PPP3CB: variants seen among roughly 807,000 people sequenced by gnomAD.
The protein encoded by PPP3CB is serine/threonine-protein phosphatase 2B catalytic subunit beta isoform.
In PPP3CB, 8 loss-of-function variants were observed where a neutral mutation model predicts 66.4. That is an observed-to-expected ratio of 0.12 (90% confidence interval 0.07 to 0.22). The LOEUF (loss-of-function observed/expected upper bound fraction) is 0.22, where lower values mean the gene tolerates loss of function less well. Among genes scored for constraint, PPP3CB ranks in the 10% least tolerant of loss-of-function variants. The pLI is 1.00. For missense variants in PPP3CB, 319 were observed against 642.5 expected, an observed-to-expected ratio of 0.50 and a Z score of 5.44; for synonymous variants, 208 against 221.2, an observed-to-expected ratio of 0.94 and a Z score of 0.53.
chr10:73,449,501 T>C (rs547039486), intron 10 of PPP3CB, among the ~76,000 whole-genome samples: 1 of 152,310 alleles, frequency 6.6e-6, no homozygotes, highest in South Asian at 2.1e-4. Flanking sequence ...TATTCCTTTA[T>C]AGGAAATGTA....
At chr10:73,474,533 A>G (rs1416231870) in intron 4 of PPP3CB, among the ~76,000 whole-genome samples, 2 of 152,034 alleles carry the variant, frequency 1.3e-5, no homozygotes, top group African/African-American at 4.8e-5. Context: ...CCCAGGCTCA[A>G]GCGATCCTCC....
At chr10:73,439,097 A>C (rs141991156) in intron 13 of PPP3CB, among the ~76,000 whole-genome samples, 28 of 152,348 alleles carry the variant, frequency 1.8e-4, no homozygotes, top group African/African-American at 6.5e-4. Context: ...TGGAAACTCA[A>C]ATCAAAATAA....
intron 1 of PPP3CB, 21 bp from the exon 2 acceptor site, chr10:73,479,538 T>C (rs762229296): frequency 6.2e-7 from 1 of 1,602,794 alleles, no homozygotes; most frequent in Non-Finnish European, 8.5e-7. Context: ...TTTTAATTAA[T>C]AAAAGATAAG....
chr10:73,475,044 T>C lies in PPP3CB; in HGVS notation c.412-14A>G. ...ATATAAGACACACTGCAAAAGAAAA[T>C]TTTTCTAGTGAATTTATCTTGTACT... On this transcript the variant is annotated splice_polypyrimidine_tract_variant and intron_variant, in intron 3 of 13. Coordinates refer to ENST00000360663, the MANE Select transcript of PPP3CB (RefSeq NM_021132.4). 1 of 1,606,094 alleles carries C rather than the reference T, an allele frequency of 6.2e-7. No individual in the cohort carries two copies. Among genetic ancestry groups the C allele is most frequent in the Non-Finnish European group, 8.5e-7 (1 of 1,177,406 alleles).
At chr10:73,454,268 C>A in intron 10 of PPP3CB, 144 bp downstream of exon 10, 6 of 434,174 alleles carry the variant, frequency 1.4e-5, no homozygotes, top group South Asian at 1.5e-4. Context: ...TCTTAATATC[C>A]AAAAAAAGTA....
rs2056689104 is a variant in PPP3CB, at chr10:73,470,677, AAT to A, written c.982+8_982+9del. 2 of 1,469,818 alleles carry A rather than the reference AAT, an allele frequency of 1.4e-6. No homozygotes were observed. The allele number at this position is 1,469,818 out of a possible 1,614,324, so 91.0% of individuals were successfully genotyped here. ...TTGTTTAACAATTTTTTTTATCAAC[AAT>A]ATCTTACCTTTATTATTGTAGACAT... On this transcript the variant is annotated splice_region_variant and intron_variant, in intron 8 of 13. Coordinates refer to ENST00000360663, the MANE Select transcript of PPP3CB (RefSeq NM_021132.4).
intron 1 of PPP3CB, among the ~76,000 whole-genome samples, chr10:73,493,683 A>T (rs752902774): frequency 6.6e-6 from 1 of 152,258 alleles, no homozygotes; most frequent in Non-Finnish European, 1.5e-5. Context: ...AACAAATTCC[A>T]TAAAGAAATG....
At chr10:73,463,926 C>G (rs1217021773) in intron 9 of PPP3CB, among the ~76,000 whole-genome samples, 1 of 151,404 alleles carries the variant, frequency 6.6e-6, no homozygotes, top group South Asian at 2.1e-4. Flanking sequence ...TAAGCCACTG[C>G]GCCCGGCCTC....
chr10:73,460,188 G>A (rs1389111024), intron 9 of PPP3CB, among the ~76,000 whole-genome samples: 1 of 142,872 alleles, frequency 7.0e-6, no homozygotes, highest in Non-Finnish European at 1.5e-5. Context: ...CCATTTAACG[G>A]ATATTAAATC....
In PPP3CB at chr10:73,446,260, C is replaced by T. The variant is rs192753555; in HGVS notation, c.1268+232G>A. On this transcript the variant is annotated intron_variant, in intron 11 of 13. Coordinates refer to ENST00000360663, the MANE Select transcript of PPP3CB (RefSeq NM_021132.4). The stretch of plus-strand genomic sequence containing the variant: ...GATTACAGGTGCATGCCACCACGCC[C>T]GGCTAATTTTTGTATATTTAGTAGA... Among the ~76,000 whole-genome samples, 86 of 151,870 alleles carry T rather than the reference C, an allele frequency of 5.7e-4. 1 individual carries two copies. The highest frequency in any genetic ancestry group is 1.9e-3 in the African/African-American group (80 of 41,400).
intron 9 of PPP3CB, among the ~76,000 whole-genome samples, chr10:73,462,413 G>A (rs1018704282): frequency 6.6e-6 from 1 of 151,814 alleles, no homozygotes; most frequent in Non-Finnish European, 1.5e-5. Context: ...GGATATAAAC[G>A]GTATGAGGGT....
At chr10:73,463,588 T>G (rs917643544) in intron 9 of PPP3CB, among the ~76,000 whole-genome samples, 3 of 152,230 alleles carry the variant, frequency 2.0e-5, no homozygotes, top group African/African-American at 7.2e-5. Context: ...ACCAGCACAA[T>G]TCCACCATTC....
At chr10:73,442,536 T>C (rs1164486055) in intron 12 of PPP3CB, among the ~76,000 whole-genome samples, 1 of 152,204 alleles carries the variant, frequency 6.6e-6, no homozygotes, top group East Asian at 1.9e-4. Flanking sequence ...AAGAGTATAA[T>C]ATTTTTGAAG....
At chr10:73,452,349 A>C (rs1448219303) in intron 10 of PPP3CB, among the ~76,000 whole-genome samples, 1 of 152,174 alleles carries the variant, frequency 6.6e-6, no homozygotes, top group Non-Finnish European at 1.5e-5. Flanking sequence ...ATCTGAGCCC[A>C]GGTCTATTCT....
intron 1 of PPP3CB, among the ~76,000 whole-genome samples, chr10:73,483,308 T>C (rs746581381): frequency 6.6e-6 from 1 of 152,194 alleles, no homozygotes; most frequent in Admixed American, 6.5e-5. Context: ...AGATGAAAGC[T>C]ATAGGGAATC....
At chr10:73,495,265 A>G (rs1194077069) in intron 1 of PPP3CB, among the ~76,000 whole-genome samples, 3 of 152,138 alleles carry the variant, frequency 2.0e-5, no homozygotes, top group African/African-American at 7.2e-5. Context: ...AGGTTCCCCT[A>G]ATTTCTGCTC....
At chr10:73,488,260 C>T (rs1005126954) in intron 1 of PPP3CB, among the ~76,000 whole-genome samples, 2 of 152,048 alleles carry the variant, frequency 1.3e-5, no homozygotes, top group African/African-American at 4.8e-5. Context: ...AAAGGCTGAT[C>T]ATGGCTGGGC....
chr10:73,480,963 G>C (rs2056865880), intron 1 of PPP3CB, among the ~76,000 whole-genome samples: 1 of 152,076 alleles, frequency 6.6e-6, no homozygotes, highest in South Asian at 2.1e-4. Context: ...TATATAGTAA[G>C]TTTTTCTTAT....
intron 3 of PPP3CB, among the ~76,000 whole-genome samples, chr10:73,476,268 G>A (rs1426634740): frequency 6.6e-6 from 1 of 152,058 alleles, no homozygotes. Flanking sequence ...ATCTGTTCTC[G>A]ATGCTTATTT....
Sources: allele counts gnomAD v4.1 joint callset (sites outside exome capture counted in the v4.1 genomes callset), GRCh38; gene constraint gnomAD v4.1.1; transcripts MANE v1.5; gene names NCBI Gene and HGNC (gene_info 2026-07-23, HGNC 2026-07-21).